Variants in SCFD2 observed in about 807,000 individuals in gnomAD.
SCFD2 encodes the protein sec1 family domain-containing protein 2.
A neutral mutation model predicts 58.9 loss-of-function variants in SCFD2; 54 were observed. The observed-to-expected ratio is 0.92, with a 90% CI of 0.74 to 1.15. SCFD2 has a LOEUF of 1.15. Among genes scored for constraint, SCFD2 ranks in the 50% most tolerant of loss-of-function variants. SCFD2 has a pLI of 0.00. For synonymous variants in SCFD2, 321 were observed against 335.9 expected (o/e 0.96, Z 0.49); for missense variants, 805 against 836.6 (o/e 0.96, Z 0.47).
chr4:52,974,363 T>C (rs1294952573), intron 5 of SCFD2, among the ~76,000 whole-genome samples: 3 of 152,162 alleles, frequency 2.0e-5, no homozygotes, highest in African/African-American at 4.8e-5. Flanking sequence ...ACAAGCATTC[T>C]TATACACCAA....
At chr4:53,330,708 T>C (rs995985372) in intron 2 of SCFD2, among the ~76,000 whole-genome samples, 1 of 151,392 alleles carries the variant, frequency 6.6e-6, no homozygotes, top group African/African-American at 2.4e-5. Context: ...AATCACCAGC[T>C]AACATCATAA....
At chr4:52,902,421 A>C (rs1577812979) in intron 7 of SCFD2, among the ~76,000 whole-genome samples, 1 of 152,218 alleles carries the variant, frequency 6.6e-6, no homozygotes, top group East Asian at 1.9e-4. Context: ...GACAAGAGCA[A>C]ATCAGTAGTG....
intron 4 of SCFD2, among the ~76,000 whole-genome samples, chr4:53,236,994 C>A (rs1729644152): frequency 6.6e-6 from 1 of 150,616 alleles, no homozygotes. Flanking sequence ...CGGCCTTCCG[C>A]AGTGTTTGTG....
In SCFD2 at chr4:52,874,013, G is replaced by C; in HGVS notation, c.2011C>G (p.Leu671Val). Residue 671 changes from leucine (L) to valine (V), a missense_variant, in exon 9 of 9, where the codon CTG becomes GTG. By Grantham distance (32) the Leu-to-Val change is conservative. This residue lies in a region of SCFD2 where 633 missense variants were observed against 646.8 expected (regional missense o/e 0.98). Coordinates refer to ENST00000401642, the MANE Select transcript of SCFD2 (RefSeq NM_152540.4). ...TGCAGTCGGTCAGTTGCAAATAACA[G>C]CTCAGGAATGTTAAGTGGCTTCAGG... Reference protein sequence around the residue: ...RLLKPLNIPELLFATDRLHPD... With the variant: ...RLLKPLNIPEVLFATDRLHPD... The C allele has an allele frequency of 6.2e-7, 1 of 1,614,098 alleles. No homozygotes were observed. The highest frequency in any genetic ancestry group is 8.5e-7 in the Non-Finnish European group (1 of 1,179,986).
chr4:53,218,807 C>T (rs1728948338), intron 4 of SCFD2, among the ~76,000 whole-genome samples: 1 of 152,204 alleles, frequency 6.6e-6, no homozygotes, highest in South Asian at 2.1e-4. Context: ...TGGTGACATA[C>T]AGATGGGGTT....
chr4:53,195,996 G>C (rs2148962271), intron 4 of SCFD2, among the ~76,000 whole-genome samples: 1 of 152,190 alleles, frequency 6.6e-6, no homozygotes, highest in African/African-American at 2.4e-5. Flanking sequence ...AGCCTCATCT[G>C]TGTTCTATTA....
chr4:53,081,564 A>AG lies in SCFD2; in HGVS notation c.1561+63768dup, dbSNP rs565091507. On this transcript the variant is annotated intron_variant, in intron 5 of 8. Coordinates refer to ENST00000401642, the MANE Select transcript of SCFD2 (RefSeq NM_152540.4). ...TACTTTTACCTTTTAATAATAACTT[A>AG]GGGGGGAAATCAGAACTCTGGATAA... Among the ~76,000 whole-genome samples the AG allele has an allele frequency of 9.8e-5, 15 of 152,294 alleles. No individual in the cohort carries two copies. In the South Asian group the frequency reaches 2.9e-3, roughly 29 times the overall value.
rs1718396117 is a variant in SCFD2 at position 52,873,440 on chromosome 4, C to G, written c.*529G>C. 1 of 153,846 alleles carries G rather than the reference C, an allele frequency of 6.5e-6. No individual in the cohort carries two copies. Among genetic ancestry groups the G allele is most frequent in the African/African-American group, 2.4e-5 (1 of 41,482 alleles). 9.5% of individuals were successfully genotyped at this position (153,846 alleles called of 1,614,324 possible). A position where few individuals can be genotyped will look rare whatever the true frequency, so the allele number is the denominator to read the frequency against. On this transcript the variant is annotated 3_prime_UTR_variant, in exon 9 of 9. Transcript: ENST00000401642. ...ACCAGCACTGCCCCAGACACTACCC[C>G]TCCCTTCCTTGCCTTTTCAGAAATG...
intron 4 of SCFD2, among the ~76,000 whole-genome samples, chr4:53,210,192 G>T (rs973725473): frequency 6.6e-6 from 1 of 152,010 alleles, no homozygotes; most frequent in Non-Finnish European, 1.5e-5. Flanking sequence ...TAAGATTCTG[G>T]GCTCTGAACT....
At chr4:52,970,800 G>A (rs771980499) in intron 5 of SCFD2, among the ~76,000 whole-genome samples, 1 of 152,174 alleles carries the variant, frequency 6.6e-6, no homozygotes, top group Non-Finnish European at 1.5e-5. Flanking sequence ...ACACGGCCGG[G>A]TACTCCTCTG....
At chr4:53,360,376 A>G (rs1734516608) in intron 1 of SCFD2, among the ~76,000 whole-genome samples, 1 of 152,252 alleles carries the variant, frequency 6.6e-6, no homozygotes, top group African/African-American at 2.4e-5. Context: ...ACCATCTAGC[A>G]GTAATTTTAA....
At chr4:53,209,569 T>C (rs1186178709) in intron 4 of SCFD2, among the ~76,000 whole-genome samples, 1 of 152,126 alleles carries the variant, frequency 6.6e-6, no homozygotes, top group Non-Finnish European at 1.5e-5. Flanking sequence ...GCTTCATTCT[T>C]TCACGGATAC....
At chr4:53,140,261 G>C (rs1374418477) in intron 5 of SCFD2, among the ~76,000 whole-genome samples, 8 of 150,910 alleles carry the variant, frequency 5.3e-5, no homozygotes, top group Non-Finnish European at 7.4e-5. Flanking sequence ...TTTAAACACA[G>C]TATGTAGAAA....
intron 4 of SCFD2, among the ~76,000 whole-genome samples, chr4:53,179,561 G>A (rs1727469525): frequency 6.6e-6 from 1 of 152,160 alleles, no homozygotes; most frequent in African/African-American, 2.4e-5. Context: ...AAATTATAAA[G>A]ACCATTGATG....
chr4:53,211,182 G>T (rs2148980690), intron 4 of SCFD2, among the ~76,000 whole-genome samples: 1 of 151,474 alleles, frequency 6.6e-6, no homozygotes, highest in Middle Eastern at 3.4e-3. Flanking sequence ...GGCGGAGGTT[G>T]CAATGAGCTG....
chr4:53,298,526 T>C lies in SCFD2; in HGVS notation c.1135+15110A>G, dbSNP rs11133260. Among the ~76,000 whole-genome samples the C allele has an allele frequency of 4.6e-5, 7 of 152,134 alleles. No homozygotes were observed. The East Asian group carries it at 1.4e-3, about 30-fold the overall frequency. On this transcript the variant is annotated intron_variant, in intron 3 of 8. Coordinates refer to ENST00000401642, the MANE Select transcript of SCFD2 (RefSeq NM_152540.4). ...TAGGCTCCACCTCTGGGGGCAGGGC[T>C]CAGACAAACAAAAGACAGCAATAAC...
At chr4:53,033,561 T>C (rs1445868698) in intron 5 of SCFD2, among the ~76,000 whole-genome samples, 2 of 151,738 alleles carry the variant, frequency 1.3e-5, no homozygotes, top group African/African-American at 2.4e-5. Context: ...ACAAAATAGA[T>C]AGACCACTAG....
chr4:53,005,501 C>T (rs568519020), intron 5 of SCFD2, among the ~76,000 whole-genome samples: 4 of 152,162 alleles, frequency 2.6e-5, no homozygotes, highest in Admixed American at 6.5e-5. Flanking sequence ...TCTCCTCATA[C>T]ATTAAATTAA....
chr4:52,947,968 C>CAAAAAAAAAAAAAAAAAAAAAACAGGCAA (rs34494471), intron 5 of SCFD2, among the ~76,000 whole-genome samples: 1 of 35,202 alleles, frequency 2.8e-5, no homozygotes, highest in Non-Finnish European at 5.8e-5. Flanking sequence ...AAAAATAGGC[C>CAAAAAAAAAAAAAAAAAAAAAACAGGCAA]AAAAAAAAAA....
Sources: allele counts gnomAD v4.1 joint callset (sites outside exome capture counted in the v4.1 genomes callset), GRCh38; gene constraint gnomAD v4.1.1; regional missense constraint gnomAD v4.1.1; transcripts MANE v1.5; gene names NCBI Gene and HGNC (gene_info 2026-07-23, HGNC 2026-07-21).